HELZ: variants seen among roughly 807,000 people sequenced by gnomAD.
HELZ encodes ATP-dependent RNA helicase with zinc finger domain.
In HELZ, 23 loss-of-function variants were observed where a neutral mutation model predicts 218.2. The ratio of observed to expected loss-of-function variants is 0.11; its 90% CI spans 0.08 to 0.15. The LOEUF (loss-of-function observed/expected upper bound fraction) is 0.15, where lower values mean the gene tolerates loss of function less well. Among genes scored for constraint, HELZ ranks in the 10% least tolerant of loss-of-function variants. The probability of loss-of-function intolerance (pLI) is 1.00; values close to 1 mark genes in which losing one functional copy is unlikely to be tolerated. For missense variants in HELZ, 1,813 were observed against 2,353.7 expected, an observed-to-expected ratio of 0.77 and a Z score of 4.75; for synonymous variants, 814 against 829.4, an observed-to-expected ratio of 0.98 and a Z score of 0.32.
rs1245588389 is a variant in HELZ at position 67,138,245 on chromosome 17, C to A, written c.2770-131G>T. On this transcript the variant is annotated intron_variant, in intron 21 of 32. Transcript: ENST00000358691. ...TCATTTAAAAAAAAAAAAAAACTAC[C>A]CCTAAATGGGAGTAATGCTTTGCTG... The A allele has an allele frequency of 1.7e-5, 10 of 578,614 alleles. No homozygotes were observed. In the East Asian group the frequency reaches 3.1e-4, roughly 18 times the overall value. The allele number at this position is 578,614 out of a possible 1,614,324, so 35.8% of individuals were successfully genotyped here.
rs1392984369 is a variant in HELZ at position 67,086,930 on chromosome 17, A to C, written c.5393T>G (p.Phe1798Cys). The change falls in exon 32 of 33, where the codon TTT (phenylalanine) becomes TGT (cysteine). Residue 1798 changes from phenylalanine (F) to cysteine (C), a missense_variant. Phe to Cys is a radical substitution (Grantham distance 205). Transcript: ENST00000358691. ...QDHSNQSSFNFSSPESWVNTT... is the reference protein window; with the variant it reads ...QDHSNQSSFNCSSPESWVNTT... ...GTTTACCCAGGACTCCGGGGATGAA[A>C]AGTTGAAAGAAGATTGGTTACTGTG... is the stretch of plus-strand genomic sequence containing the variant. 6.2e-7 allele frequency: 1 copy of C among 1,613,654 alleles called. No homozygotes were observed. Among genetic ancestry groups the C allele is most frequent in the East Asian group, 2.2e-5 (1 of 44,834 alleles).
intron 24 of HELZ, chr17:67,128,369 C>A (rs749307957): frequency 4.3e-5 from 17 of 392,488 alleles, no homozygotes; most frequent in Non-Finnish European, 6.9e-5. Context: ...TAAAACAACT[C>A]TATCAGTAGA....
chr17:67,086,635 T>TAAATATAAATATAAATATAA (rs367713527), intron 32 of HELZ, among the ~76,000 whole-genome samples, 194 bp downstream of exon 32: 1 of 80,006 alleles, frequency 1.2e-5, no homozygotes, highest in African/African-American at 4.2e-5. Context: ...AATATAAATA[T>TAAATATAAATATAAATATAA]ATATATATAT....
chr17:67,206,896 G>A (rs1243408373), intron 5 of HELZ, among the ~76,000 whole-genome samples: 5 of 149,224 alleles, frequency 3.4e-5, no homozygotes, highest in African/African-American at 1.2e-4. Flanking sequence ...ACTATGCCGG[G>A]TTTTTTTGTT....
intron 13 of HELZ, among the ~76,000 whole-genome samples, chr17:67,170,524 A>G (rs1253009541): frequency 6.6e-6 from 1 of 151,898 alleles, no homozygotes; most frequent in Admixed American, 6.6e-5. Flanking sequence ...TAAACTAAAT[A>G]AATAAATAAA....
At chr17:67,201,846 A>G (rs535100463) in intron 6 of HELZ, among the ~76,000 whole-genome samples, 1 of 152,176 alleles carries the variant, frequency 6.6e-6, no homozygotes, top group African/African-American at 2.4e-5. Context: ...TAATTTTTCT[A>G]TGCTAATACA....
At chr17:67,125,063 C>G (rs2037739247) in intron 24 of HELZ, among the ~76,000 whole-genome samples, 1 of 150,828 alleles carries the variant, frequency 6.6e-6, no homozygotes, top group African/African-American at 2.4e-5. Context: ...AGCAAAAATA[C>G]AATGATGTTT....
chr17:67,241,406 A>C (rs1283449074), intron 2 of HELZ, among the ~76,000 whole-genome samples: 2 of 152,226 alleles, frequency 1.3e-5, no homozygotes, highest in African/African-American at 4.8e-5. Flanking sequence ...ACTAATCTAC[A>C]TTCAATATTA....
At chr17:67,175,141 C>G (rs2039418893) in intron 13 of HELZ, among the ~76,000 whole-genome samples, 1 of 152,214 alleles carries the variant, frequency 6.6e-6, no homozygotes, top group South Asian at 2.1e-4. Flanking sequence ...GGCCCAGTCA[C>G]ACACACTAGA....
intron 31 of HELZ, among the ~76,000 whole-genome samples, chr17:67,089,668 TAGAGAGAGAG>T (rs1555595394): frequency 9.9e-5 from 7 of 70,640 alleles, no homozygotes; most frequent in African/African-American, 1.8e-4. Flanking sequence ...TATATATATA[TAGAGAGAGAG>T]AGAGAGAGAG....
intron 3 of HELZ, among the ~76,000 whole-genome samples, chr17:67,235,803 T>TGGA (rs2041165848): frequency 7.3e-6 from 1 of 137,148 alleles, no homozygotes; most frequent in African/African-American, 2.8e-5. Context: ...TTGCCCAGGC[T>TGGA]GTACGCAGTG....
Position 67,218,662 on chromosome 17 carries a change from C to T in HELZ, c.143G>A (p.Cys48Tyr), listed in dbSNP as rs1437982388. 1.2e-6 allele frequency: 2 copies of T among 1,614,172 alleles called. No individual in the cohort carries two copies. The highest frequency in any genetic ancestry group is 4.5e-5 in the East Asian group (2 of 44,884). Residue 48 changes from cysteine (C) to tyrosine (Y), a missense_variant, in exon 4 of 33, where the codon TGT becomes TAT. Coordinates refer to ENST00000358691, the MANE Select transcript of HELZ (RefSeq NM_014877.4). Reference protein sequence around the residue: ...QYSMADFTGPCPLEIERIKIE... With the variant: ...QYSMADFTGPYPLEIERIKIE... Reference sequence around the variant, plus strand: ...TTTGATGCGTTCTATTTCCAATGGACAAGGCCCTGTGAAGTCTGCCATGGA... The same window carrying T: ...TTTGATGCGTTCTATTTCCAATGGATAAGGCCCTGTGAAGTCTGCCATGGA...
chr17:67,089,669 A>ATATATATAGAGAGAGAGAGAGAGT (rs61424343), intron 31 of HELZ, among the ~76,000 whole-genome samples: 1 of 46,174 alleles, frequency 2.2e-5, no homozygotes, highest in Non-Finnish European at 4.2e-5. Context: ...ATATATATAT[A>ATATATATAGAGAGAGAGAGAGAGT]GAGAGAGAGA....
chr17:67,149,609 A>G (rs1424359006), intron 19 of HELZ, among the ~76,000 whole-genome samples: 1 of 152,226 alleles, frequency 6.6e-6, no homozygotes, highest in African/African-American at 2.4e-5. Flanking sequence ...TCAGATATTC[A>G]TACTATAAAG....
rs546602825 is a variant in HELZ at position 67,104,674 on chromosome 17, A to T, written c.5241+2495T>A. Reference sequence around the variant, plus strand: ...TTAAGAGTCTGTACCAGAATACATTAAAAAAAACCTCTTATAACTAAGTAA... The same window carrying T: ...TTAAGAGTCTGTACCAGAATACATTTAAAAAAACCTCTTATAACTAAGTAA... On this transcript the variant is annotated intron_variant, in intron 31 of 32. Transcript: ENST00000358691. Among the ~76,000 whole-genome samples the T allele has an allele frequency of 4.6e-5, 7 of 152,022 alleles. No individual in the cohort carries two copies. The East Asian group carries it at 7.8e-4, about 17-fold the overall frequency.
chr17:67,215,577 G>A (rs2040577980), intron 5 of HELZ, among the ~76,000 whole-genome samples: 1 of 152,134 alleles, frequency 6.6e-6, no homozygotes, highest in Non-Finnish European at 1.5e-5. Context: ...TCAAACTCCA[G>A]ATCTTGTGAT....
intron 5 of HELZ, among the ~76,000 whole-genome samples, chr17:67,214,259 CTTTTTTT>C (rs777420102): frequency 4.4e-4 from 39 of 87,732 alleles, no homozygotes; most frequent in East Asian, 2.0e-3. Context: ...ATTAATATTT[CTTTTTTT>C]TTTTTTTTTT....
At position 67,195,455 on chromosome 17, in the gene HELZ, C is replaced by A; in HGVS notation, c.445G>T (p.Ala149Ser). The A allele has an allele frequency of 6.2e-7, 1 of 1,603,120 alleles. No homozygotes were observed. The highest frequency in any genetic ancestry group is 8.5e-7 in the Non-Finnish European group (1 of 1,170,308). ...TCTTCCACGTGATATCCAGAGAGGGCGTTACTAGTTGCTGTCTGCAATTTT... is the reference window on the plus strand; with the variant it reads ...TCTTCCACGTGATATCCAGAGAGGGAGTTACTAGTTGCTGTCTGCAATTTT... ...LSETETATSN[A>S]LSGYHVEDLD... Residue 149 changes from alanine to serine, a missense_variant, in exon 8 of 33, where the codon GCC (alanine) becomes TCC (serine). Transcript: ENST00000358691.
chr17:67,195,343 A>C, intron 8 of HELZ, 76 bp downstream of exon 8: 1 of 862,426 alleles, frequency 1.2e-6, no homozygotes, highest in Non-Finnish European at 2.0e-6. Flanking sequence ...TAACTCAGTA[A>C]ATTTTCTCCC....
Sources: allele counts gnomAD v4.1 joint callset (sites outside exome capture counted in the v4.1 genomes callset), GRCh38; gene constraint gnomAD v4.1.1; transcripts MANE v1.5; gene names NCBI Gene and HGNC (gene_info 2026-07-23, HGNC 2026-07-21).